Variants in LDLRAD3 observed in about 807,000 individuals in gnomAD.
LDLRAD3 encodes the protein low density lipoprotein receptor class A domain containing 3.
LDLRAD3 carries 20 observed loss-of-function variants against 29.4 expected under a neutral mutation model. The ratio of observed to expected loss-of-function variants is 0.68; its 90% CI spans 0.48 to 0.99. The LOEUF (loss-of-function observed/expected upper bound fraction) is 0.99. LDLRAD3 is among the 50% of genes least tolerant of loss of function. The pLI, the probability that LDLRAD3 is intolerant of heterozygous loss-of-function variation, is 0.00. For synonymous variants in LDLRAD3, 157 were observed against 192.7 expected, an observed-to-expected ratio of 0.81 and a Z score of 1.53; for missense variants, 420 against 454.3, an observed-to-expected ratio of 0.92 and a Z score of 0.69.
chr11:36,024,422 G>A (rs1202813386), intron 1 of LDLRAD3, among the ~76,000 whole-genome samples: 3 of 152,128 alleles, frequency 2.0e-5, no homozygotes, highest in Admixed American at 6.5e-5. Flanking sequence ...CCAGGGATGT[G>A]GGGTTTCCTC....
At chr11:36,156,562 T>C (rs1054941851) in intron 4 of LDLRAD3, among the ~76,000 whole-genome samples, 1 of 152,192 alleles carries the variant, frequency 6.6e-6, no homozygotes, top group African/African-American at 2.4e-5. Context: ...ATACACAGAT[T>C]GGGTTTTGTT....
At chr11:36,157,806 C>CT (rs1228099800) in intron 4 of LDLRAD3, among the ~76,000 whole-genome samples, 1 of 152,132 alleles carries the variant, frequency 6.6e-6, no homozygotes, top group Non-Finnish European at 1.5e-5. Flanking sequence ...GAGGAAACAT[C>CT]TTTTTCTCTC....
chr11:36,016,126 G>C (rs569565421), intron 1 of LDLRAD3, among the ~76,000 whole-genome samples: 1 of 152,344 alleles, frequency 6.6e-6, no homozygotes, highest in African/African-American at 2.4e-5. Context: ...TGAGGTGTGG[G>C]CCTCTTGTGG....
chr11:36,088,708 C>T (rs1853232137), intron 3 of LDLRAD3, among the ~76,000 whole-genome samples: 1 of 152,178 alleles, frequency 6.6e-6, no homozygotes, highest in African/African-American at 2.4e-5. Context: ...AAAGTGTCAA[C>T]AGGAGAATTT....
chr11:35,955,152 C>T (rs528078359), intron 1 of LDLRAD3, among the ~76,000 whole-genome samples: 49 of 152,130 alleles, frequency 3.2e-4, no homozygotes, highest in African/African-American at 1.0e-3. Flanking sequence ...GGCCGAGGCA[C>T]GAGAATCGCT....
intron 4 of LDLRAD3, among the ~76,000 whole-genome samples, chr11:36,108,819 A>G (rs888231172): frequency 2.6e-5 from 4 of 152,196 alleles, no homozygotes; most frequent in African/African-American, 7.2e-5. Flanking sequence ...TATCTAGAAA[A>G]ATGGTTGCCA....
chr11:36,089,921 T>C (rs1853255016), intron 3 of LDLRAD3, among the ~76,000 whole-genome samples: 1 of 152,134 alleles, frequency 6.6e-6, no homozygotes, highest in African/African-American at 2.4e-5. Flanking sequence ...TAATAATTAT[T>C]ATAATAAACA....
At chr11:36,080,341 A>G (rs552890940) in intron 2 of LDLRAD3, among the ~76,000 whole-genome samples, 20 of 151,740 alleles carry the variant, frequency 1.3e-4, no homozygotes, top group Admixed American at 3.9e-4. Flanking sequence ...AGGACACTCA[A>G]TTAAGCCCAA....
intron 1 of LDLRAD3, among the ~76,000 whole-genome samples, chr11:35,945,298 G>A (rs558239288): frequency 1.3e-5 from 2 of 152,186 alleles, no homozygotes; most frequent in Admixed American, 6.5e-5. Context: ...TTATGAATGC[G>A]TTAAAGGGAT....
chr11:36,219,287 T>C (rs1424068383), intron 4 of LDLRAD3, among the ~76,000 whole-genome samples: 6 of 152,248 alleles, frequency 3.9e-5, no homozygotes, highest in African/African-American at 1.4e-4. Context: ...TTTGTCTGCC[T>C]TGAATATTTC....
intron 4 of LDLRAD3, among the ~76,000 whole-genome samples, chr11:36,156,464 G>A (rs1224552165): frequency 1.3e-5 from 2 of 152,230 alleles, no homozygotes; most frequent in Admixed American, 6.5e-5. Context: ...GCCATTGTTA[G>A]CATGAGCTGA....
rs1854442425 is a variant in LDLRAD3 at position 36,161,688 on chromosome 11, C to T, written c.454+63227C>T. On this transcript the variant is annotated intron_variant, in intron 4 of 5. Coordinates refer to ENST00000315571, the MANE Select transcript of LDLRAD3 (RefSeq NM_174902.4). Reference sequence around the variant, plus strand: ...AAGAGCGGTAAGATACATTGGTAGACATATACAACCTGGGCTTCAGACCAG... The same window carrying T: ...AAGAGCGGTAAGATACATTGGTAGATATATACAACCTGGGCTTCAGACCAG... Among the ~76,000 whole-genome samples, 3 of 152,164 alleles carry T rather than the reference C, an allele frequency of 2.0e-5. No homozygotes were observed. The South Asian group carries it at 6.2e-4, about 31-fold the overall frequency.
At chr11:35,991,867 T>TGTGTGTGTG (rs1565147663) in intron 1 of LDLRAD3, among the ~76,000 whole-genome samples, 2,209 of 82,746 alleles carry the variant, frequency 0.027, 30 homozygotes, top group Non-Finnish European at 0.033. Context: ...GAATGGTTGT[T>TGTGTGTGTG]TGTGTGTGTG....
chr11:36,182,849 G>T (rs911614803), intron 4 of LDLRAD3, among the ~76,000 whole-genome samples: 1 of 152,144 alleles, frequency 6.6e-6, no homozygotes, highest in African/African-American at 2.4e-5. Flanking sequence ...ATGACTGGGG[G>T]CTGTGTGTCT....
chr11:36,050,755 G>A (rs1435528628), intron 2 of LDLRAD3, among the ~76,000 whole-genome samples: 1 of 152,132 alleles, frequency 6.6e-6, no homozygotes, highest in Admixed American at 6.5e-5. Context: ...TCTTCTCAGA[G>A]TGACAGTATC....
At chr11:36,032,192 G>C (rs1016882465) in intron 1 of LDLRAD3, among the ~76,000 whole-genome samples, 4 of 152,154 alleles carry the variant, frequency 2.6e-5, no homozygotes, top group Admixed American at 2.6e-4. Flanking sequence ...CTAGGGTTTA[G>C]GACTTCAACA....
chr11:36,171,546 A>C (rs908351900), intron 4 of LDLRAD3, among the ~76,000 whole-genome samples: 1 of 152,162 alleles, frequency 6.6e-6, no homozygotes, highest in Non-Finnish European at 1.5e-5. Context: ...CATTTGTTGA[A>C]TAGAATGTGC....
chr11:36,058,787 G>A (rs1477364943), intron 2 of LDLRAD3, among the ~76,000 whole-genome samples: 1 of 152,224 alleles, frequency 6.6e-6, no homozygotes, highest in Non-Finnish European at 1.5e-5. Flanking sequence ...TGCAGCTGGT[G>A]TATATGGATA....
chr11:36,056,089 A>G lies in LDLRAD3; in HGVS notation c.193+19840A>G, dbSNP rs544599136. Among the ~76,000 whole-genome samples the G allele has an allele frequency of 2.7e-3, 373 of 139,624 alleles. 1 individual carries two copies. The highest frequency in any genetic ancestry group is 4.8e-3 in the Non-Finnish European group (317 of 66,218). The allele number at this position is 139,624 out of a possible 152,430, so 91.6% of individuals were successfully genotyped here. ...CAGCTCACTGCAGCCTCTGCCTCCC[A>G]GGTTCAAGCAATTCTCCTGCCTCAG... On this transcript the variant is annotated intron_variant, in intron 2 of 5. Coordinates refer to ENST00000315571, the MANE Select transcript of LDLRAD3 (RefSeq NM_174902.4).
Sources: allele counts gnomAD v4.1 joint callset (sites outside exome capture counted in the v4.1 genomes callset), GRCh38; gene constraint gnomAD v4.1.1; transcripts MANE v1.5; gene names NCBI Gene and HGNC (gene_info 2026-07-23, HGNC 2026-07-21).